Variants in CSRNP3 observed in about 807,000 individuals in gnomAD.
CSRNP3 encodes cysteine/serine-rich nuclear protein 3.
A neutral mutation model predicts 48.0 loss-of-function variants in CSRNP3; 12 were observed. The ratio of observed to expected loss-of-function variants is 0.25; its 90% CI spans 0.16 to 0.41. The LOEUF (loss-of-function observed/expected upper bound fraction) is 0.41, where lower values mean the gene tolerates loss of function less well. CSRNP3 is among the 10% of genes least tolerant of loss of function. The probability of loss-of-function intolerance (pLI) is 1.00; values close to 1 mark genes in which losing one functional copy is unlikely to be tolerated. For missense variants in CSRNP3, 580 were observed against 724.4 expected, an observed-to-expected ratio of 0.80 and a Z score of 2.29; for synonymous variants, 263 against 269.7, an observed-to-expected ratio of 0.98 and a Z score of 0.24.
intron 5 of CSRNP3, among the ~76,000 whole-genome samples, chr2:165,673,064 T>A (rs1309289640): frequency 1.3e-5 from 2 of 151,712 alleles, no homozygotes; most frequent in Non-Finnish European, 2.9e-5. Context: ...AATGTTAATG[T>A]CAGATTTTGA....
chr2:165,666,290 A>G (rs1687198922), intron 5 of CSRNP3, among the ~76,000 whole-genome samples: 1 of 142,986 alleles, frequency 7.0e-6, no homozygotes, highest in Non-Finnish European at 1.5e-5. Flanking sequence ...AAAGGGAGAG[A>G]GGAAGAAAGA....
rs147247653 is a variant in CSRNP3 at position 165,525,749 on chromosome 2, G to T, written c.-24+7788G>T. Among the ~76,000 whole-genome samples, 671 of 152,224 alleles carry T rather than the reference G, an allele frequency of 4.4e-3. 8 individuals carry two copies. The highest frequency in any genetic ancestry group is 0.016 in the African/African-American group (646 of 41,550). On this transcript the variant is annotated intron_variant, in intron 3 of 6. Transcript: ENST00000651982. Reference sequence around the variant, plus strand: ...GGCCCACCTGCCTCAGCCTCCCAAAGTGCTGGGATTAACAGGCATGAACCA... The same window carrying T: ...GGCCCACCTGCCTCAGCCTCCCAAATTGCTGGGATTAACAGGCATGAACCA...
chr2:165,570,463 T>G (rs553718216), intron 3 of CSRNP3, among the ~76,000 whole-genome samples: 2 of 152,048 alleles, frequency 1.3e-5, no homozygotes, highest in East Asian at 3.9e-4. Context: ...ATATGTGGAT[T>G]TTTTTTCCCA....
At chr2:165,677,599 A>T (rs1246706382) in intron 6 of CSRNP3, among the ~76,000 whole-genome samples, 3 of 148,930 alleles carry the variant, frequency 2.0e-5, no homozygotes, top group African/African-American at 4.9e-5. Context: ...AAAAAAAAAA[A>T]TACAGATACA....
At chr2:165,586,508 A>C (rs529125880) in intron 3 of CSRNP3, among the ~76,000 whole-genome samples, 89 of 152,284 alleles carry the variant, frequency 5.8e-4, no homozygotes, top group Admixed American at 2.5e-3. Context: ...CAATTTTTTT[A>C]ATCTGAAATT....
chr2:165,656,467 T>G (rs1210503219), intron 4 of CSRNP3, among the ~76,000 whole-genome samples: 1 of 152,060 alleles, frequency 6.6e-6, no homozygotes, highest in East Asian at 1.9e-4. Flanking sequence ...ATTAGTTTGA[T>G]TGAGCATTTT....
At chr2:165,628,087 AT>A (rs1031984349) in intron 4 of CSRNP3, among the ~76,000 whole-genome samples, 18 of 152,320 alleles carry the variant, frequency 1.2e-4, no homozygotes, top group African/African-American at 4.3e-4. Flanking sequence ...GTCCAGCGGA[AT>A]TGCCACAGAA....
intron 4 of CSRNP3, among the ~76,000 whole-genome samples, chr2:165,650,887 A>G (rs189932878): frequency 1.1e-3 from 163 of 152,372 alleles, no homozygotes; most frequent in African/African-American, 3.4e-3. Flanking sequence ...CCCAAATGGT[A>G]GAATTAATAT....
chr2:165,655,714 T>G (rs1305740955), intron 4 of CSRNP3, among the ~76,000 whole-genome samples: 1 of 152,210 alleles, frequency 6.6e-6, no homozygotes, highest in Non-Finnish European at 1.5e-5. Flanking sequence ...GGATCTTTCC[T>G]TGCACATTTC....
intron 2 of CSRNP3, among the ~76,000 whole-genome samples, chr2:165,505,073 AG>A (rs1230054394): frequency 1.3e-5 from 2 of 152,146 alleles, no homozygotes; most frequent in Admixed American, 6.6e-5. Context: ...ACCTGGAGAC[AG>A]TACATCATTA....
At chr2:165,611,363 A>ATGTGTGTG (rs1553479605) in intron 4 of CSRNP3, among the ~76,000 whole-genome samples, 1,968 of 104,766 alleles carry the variant, frequency 0.019, 40 homozygotes, top group African/African-American at 0.054. Context: ...TTCACGATAT[A>ATGTGTGTG]TGTGTGTGTG....
chr2:165,598,574 G>C (rs1422625934), intron 4 of CSRNP3, among the ~76,000 whole-genome samples: 1 of 152,084 alleles, frequency 6.6e-6, no homozygotes, highest in Non-Finnish European at 1.5e-5. Context: ...GTGAGCTAAG[G>C]TATATATTAG....
chr2:165,573,459 T>C (rs911730726), intron 3 of CSRNP3, among the ~76,000 whole-genome samples: 3 of 152,210 alleles, frequency 2.0e-5, no homozygotes, highest in African/African-American at 7.2e-5. Flanking sequence ...ATAGAGAGAT[T>C]GTTGTGTGTA....
At chr2:165,521,089 A>G (rs763353045) in intron 3 of CSRNP3, among the ~76,000 whole-genome samples, 3 of 151,078 alleles carry the variant, frequency 2.0e-5, no homozygotes, top group African/African-American at 7.3e-5. Flanking sequence ...TGTTTATTAC[A>G]TGCCGTATTG....
rs1338777942 is a variant in CSRNP3, at chr2:165,475,840, C to T, written c.-283+6100C>T. Among the ~76,000 whole-genome samples, 6 of 152,118 alleles carry T rather than the reference C, an allele frequency of 3.9e-5. No individual in the cohort carries two copies. The South Asian group carries it at 8.3e-4, about 21-fold the overall frequency. On this transcript the variant is annotated intron_variant, in intron 1 of 6. Transcript: ENST00000651982. ...TCTTGCAGACTTTTTATTGTCCAAA[C>T]GCTATCTGTGCTCTCCTACATTAAC...
intron 1 of CSRNP3, among the ~76,000 whole-genome samples, chr2:165,489,998 A>T (rs1292067418): frequency 6.6e-6 from 1 of 152,118 alleles, no homozygotes; most frequent in Non-Finnish European, 1.5e-5. Context: ...GGAAAAGAGG[A>T]AGTCAAATTG....
Position 165,680,777 on chromosome 2 carries a change from A to T in CSRNP3, c.*1024A>T, listed in dbSNP as rs1463144965. 1 of 152,174 alleles carries T rather than the reference A, an allele frequency of 6.6e-6. No homozygotes were observed. The highest frequency in any genetic ancestry group is 6.6e-5 in the Admixed American group (1 of 15,260). 9.4% of individuals were successfully genotyped at this position (152,174 alleles called of 1,614,324 possible). ...ATCATCCAATGATACTTATGAAGGG[A>T]AAATGACCTATTTTCCTTCACCACT... On this transcript the variant is annotated 3_prime_UTR_variant, in exon 7 of 7. Coordinates refer to ENST00000651982, the MANE Select transcript of CSRNP3 (RefSeq NM_001172173.2).
intron 3 of CSRNP3, among the ~76,000 whole-genome samples, chr2:165,549,977 G>A (rs771537931): frequency 7.2e-5 from 11 of 152,106 alleles, no homozygotes; most frequent in Admixed American, 1.3e-4. Context: ...TTTTAGAGTG[G>A]GAAGCATTTT....
intron 1 of CSRNP3, among the ~76,000 whole-genome samples, chr2:165,481,381 C>T (rs1283158576): frequency 1.3e-5 from 2 of 151,672 alleles, no homozygotes; most frequent in East Asian, 1.9e-4. Context: ...CTGGTGACTA[C>T]TCAGGGAGCA....
Sources: gnomAD v4.1 joint callset for allele counts (sites outside exome capture counted in the v4.1 genomes callset) on GRCh38, gnomAD v4.1.1 for gene constraint, MANE v1.5 for transcripts, NCBI Gene and HGNC (gene_info 2026-07-23, HGNC 2026-07-21) for gene names.